Variants in HS3ST2 observed in about 807,000 individuals in gnomAD.
HS3ST2 encodes heparan sulfate-glucosamine 3-sulfotransferase 2, also known as heparan sulfate glucosamine 3-O-sulfotransferase 2.
Under a neutral mutation model 26.3 loss-of-function variants are expected in HS3ST2, and 17 were observed. The observed-to-expected ratio is 0.65, with a 90% CI of 0.44 to 0.97. The LOEUF (loss-of-function observed/expected upper bound fraction) is 0.97. Ranked by LOEUF, HS3ST2 falls within the 50% of genes least tolerant of loss-of-function variation. The pLI, the probability that HS3ST2 is intolerant of heterozygous loss-of-function variation, is 0.00. For missense variants in HS3ST2, 402 were observed against 501.2 expected, an observed-to-expected ratio of 0.80 and a Z score of 1.89; for synonymous variants, 237 against 219.2, an observed-to-expected ratio of 1.08 and a Z score of -0.72.
intron 1 of HS3ST2, among the ~76,000 whole-genome samples, chr16:22,882,409 G>A (rs1902000606): frequency 1.3e-5 from 2 of 152,128 alleles, no homozygotes. Context: ...GAACCTTGGA[G>A]ATCAGTGAGG....
At chr16:22,817,108 T>A (rs921228330) in intron 1 of HS3ST2, among the ~76,000 whole-genome samples, 4 of 152,148 alleles carry the variant, frequency 2.6e-5, no homozygotes, top group African/African-American at 9.7e-5. Context: ...CATGTCTTAT[T>A]TTTTATTTAT....
rs1205925697 is a variant in HS3ST2 at position 22,814,762 on chromosome 16, G to A, written c.152G>A (p.Gly51Asp). The change falls in exon 1 of 2, where the codon GGC becomes GAC. Residue 51 changes from glycine (G) to aspartate (D), a missense_variant. Physicochemically the swap from Gly to Asp is moderately conservative, Grantham distance 94. Around this residue, in one of 2 missense-constraint regions of HS3ST2, gnomAD observed 165 missense variants for 154.6 expected, o/e 1.07. Coordinates refer to ENST00000261374, the MANE Select transcript of HS3ST2 (RefSeq NM_006043.2). ...CDDLGRSRLL[G>D]APRCLRGPSA... is the part of the protein sequence containing the mutation. The stretch of plus-strand genomic sequence containing the variant: ...GACCTGGGTCGGAGCCGCCTCCTCG[G>A]CGCGCCTCGCTGCCTCCGCGGCCCC... 2.5e-6 allele frequency: 4 copies of A among 1,605,910 alleles called. No homozygotes were observed. The highest frequency in any genetic ancestry group is 4.5e-5 in the East Asian group (2 of 44,672).
In HS3ST2 at chr16:22,871,211, C is replaced by T. The variant is rs149641051; in HGVS notation, c.486-43733C>T. Among the ~76,000 whole-genome samples the T allele has an allele frequency of 8.7e-4, 132 of 152,184 alleles. 3 individuals carry two copies. The East Asian group carries it at 0.025, about 28-fold the overall frequency. On this transcript the variant is annotated intron_variant, in intron 1 of 1. Transcript: ENST00000261374. ...TCTCTACTAAAAATACAAAAATTAG[C>T]TGGGCGTGATGGTGCACGCCTGCAG...
chr16:22,840,549 AT>A (rs1380703885), intron 1 of HS3ST2, among the ~76,000 whole-genome samples: 1 of 151,758 alleles, frequency 6.6e-6, no homozygotes, highest in Non-Finnish European at 1.5e-5. Context: ...CGCCTGGCTA[AT>A]TTTTTTTACT....
chr16:22,823,617 C>T (rs1214268194), intron 1 of HS3ST2, among the ~76,000 whole-genome samples: 1 of 95,048 alleles, frequency 1.1e-5, no homozygotes, highest in African/African-American at 6.6e-5. Flanking sequence ...GACCTCTTCT[C>T]TAAAAAAAAA....
At chr16:22,816,464 G>A (rs141201308) in intron 1 of HS3ST2, among the ~76,000 whole-genome samples, 147 of 152,330 alleles carry the variant, frequency 9.7e-4, no homozygotes, top group Middle Eastern at 3.4e-3. Flanking sequence ...CTCCTGGCTC[G>A]CAATGGTTGT....
At chr16:22,874,704 C>T (rs1901888497) in intron 1 of HS3ST2, among the ~76,000 whole-genome samples, 1 of 152,360 alleles carries the variant, frequency 6.6e-6, no homozygotes, top group Non-Finnish European at 1.5e-5. Context: ...GTACTGGGAC[C>T]TGGCATACCT....
At chr16:22,875,626 C>T (rs1901905400) in intron 1 of HS3ST2, among the ~76,000 whole-genome samples, 1 of 152,152 alleles carries the variant, frequency 6.6e-6, no homozygotes. Context: ...CATGATCTGC[C>T]TGCTCGGCCT....
rs991286776 is a variant in HS3ST2, at chr16:22,843,964, C to T, written c.485+28869C>T. 2.0e-5 allele frequency among the ~76,000 whole-genome samples: 3 copies of T among 151,968 alleles called. No homozygotes were observed. In the East Asian group the frequency reaches 5.8e-4, roughly 29 times the overall value. On this transcript the variant is annotated intron_variant, in intron 1 of 1. Coordinates refer to ENST00000261374, the MANE Select transcript of HS3ST2 (RefSeq NM_006043.2). ...CCAACATTATAACAAAAGACTGTAA[C>T]AAGGGATATGGGAGTTATGAACTGG...
At chr16:22,907,107 CAAGT>C (rs780499061) in intron 1 of HS3ST2, among the ~76,000 whole-genome samples, 22 of 152,078 alleles carry the variant, frequency 1.4e-4, no homozygotes, top group Admixed American at 6.5e-4. Context: ...GGACAAGAGA[CAAGT>C]AAGATGGATC....
At chr16:22,885,116 C>T (rs1902043163) in intron 1 of HS3ST2, among the ~76,000 whole-genome samples, 1 of 152,110 alleles carries the variant, frequency 6.6e-6, no homozygotes, top group Admixed American at 6.5e-5. Flanking sequence ...GCTGGGATTA[C>T]AGGCATAAGC....
chr16:22,845,491 A>G (rs535064638), intron 1 of HS3ST2, among the ~76,000 whole-genome samples: 20 of 150,444 alleles, frequency 1.3e-4, no homozygotes, highest in Non-Finnish European at 2.5e-4. Context: ...AGCTGGGATT[A>G]CAGGCACCTG....
At position 22,914,297 on chromosome 16, in the gene HS3ST2, A is replaced by G. The variant is rs530868240; in HGVS notation, c.486-647A>G. Among the ~76,000 whole-genome samples the G allele has an allele frequency of 7.2e-5, 11 of 152,328 alleles. No homozygotes were observed. In the South Asian group the frequency reaches 2.3e-3, roughly 32 times the overall value. On this transcript the variant is annotated intron_variant, in intron 1 of 1. Transcript: ENST00000261374. Reference sequence around the variant, plus strand: ...CTTGCCTGTTTTCATTTAACACTGTATGTTGGAAATCATTCCATATTAATG... The same window carrying G: ...CTTGCCTGTTTTCATTTAACACTGTGTGTTGGAAATCATTCCATATTAATG...
At chr16:22,882,929 G>A (rs1231024898) in intron 1 of HS3ST2, among the ~76,000 whole-genome samples, 6 of 151,520 alleles carry the variant, frequency 4.0e-5, no homozygotes, top group Admixed American at 2.0e-4. Flanking sequence ...TACTTGAGAG[G>A]CTGAGGCAGG....
chr16:22,821,338 A>C (rs951461599), intron 1 of HS3ST2, among the ~76,000 whole-genome samples: 21 of 151,086 alleles, frequency 1.4e-4, no homozygotes, highest in African/African-American at 4.9e-4. Context: ...TGCTTTGGTA[A>C]TGCTTTGGTA....
intron 1 of HS3ST2, among the ~76,000 whole-genome samples, chr16:22,909,539 C>T (rs566195916): frequency 7.9e-5 from 12 of 152,118 alleles, no homozygotes; most frequent in African/African-American, 2.2e-4. Flanking sequence ...TACCTTTGCA[C>T]GTTATCATCA....
At chr16:22,841,278 G>A (rs1394036182) in intron 1 of HS3ST2, among the ~76,000 whole-genome samples, 2 of 152,014 alleles carry the variant, frequency 1.3e-5, no homozygotes, top group East Asian at 3.9e-4. Flanking sequence ...GCCCAGGCTG[G>A]TCTCGAACTC....
At chr16:22,822,452 G>A (rs1029286693) in intron 1 of HS3ST2, among the ~76,000 whole-genome samples, 1 of 152,160 alleles carries the variant, frequency 6.6e-6, no homozygotes, top group Non-Finnish European at 1.5e-5. Context: ...ACAGGTGTGA[G>A]CCATCTCATC....
intron 1 of HS3ST2, among the ~76,000 whole-genome samples, chr16:22,864,914 G>A (rs1013072221): frequency 4.3e-5 from 6 of 139,182 alleles, no homozygotes; most frequent in Middle Eastern, 3.9e-3. Flanking sequence ...AGCCGGGCAT[G>A]GTGGTACACA....
Sources: allele counts gnomAD v4.1 joint callset (sites outside exome capture counted in the v4.1 genomes callset), GRCh38; gene constraint gnomAD v4.1.1; regional missense constraint gnomAD v4.1.1; transcripts MANE v1.5; gene names NCBI Gene and HGNC (gene_info 2026-07-23, HGNC 2026-07-21).